Variants in CPT1A observed in about 807,000 individuals in gnomAD.
CPT1A encodes the protein carnitine O-palmitoyltransferase 1, liver isoform.
In CPT1A, 64 loss-of-function variants were observed where a neutral mutation model predicts 100.8. The ratio of observed to expected loss-of-function variants is 0.63; its 90% confidence interval spans 0.52 to 0.78. The LOEUF (loss-of-function observed/expected upper bound fraction) is 0.78, where lower values mean the gene tolerates loss of function less well. CPT1A is among the 30% of genes least tolerant of loss of function. CPT1A has a pLI of 0.00. For synonymous variants in CPT1A, 363 were observed against 396.0 expected, an observed-to-expected ratio of 0.92 and a Z score of 0.99; for missense variants, 802 against 1,034.1, an observed-to-expected ratio of 0.78 and a Z score of 3.08.
intron 5 of CPT1A, among the ~76,000 whole-genome samples, chr11:68,801,049 C>A (rs1336445120): frequency 1.3e-5 from 2 of 152,070 alleles, no homozygotes; most frequent in Admixed American, 1.3e-4. Flanking sequence ...TTCAAGGTTG[C>A]AGTGAGCTAG....
chr11:68,815,439 G>C lies in CPT1A; in HGVS notation c.36C>G (p.Phe12Leu). The C allele has an allele frequency of 6.2e-7, 1 of 1,614,142 alleles. No homozygotes were observed. The highest frequency in any genetic ancestry group is 8.5e-7 in the Non-Finnish European group (1 of 1,180,014). The stretch of plus-strand genomic sequence containing the variant: ...GGTCAATCCCGTCCGGAGTGACCGT[G>C]AACTGAAAGGCCACAGCTTGGTGAG... ...AEAHQAVAFQ[F>L]TVTPDGIDLR... The change falls in exon 2 of 19, where the codon TTC (phenylalanine) becomes TTG (leucine). Residue 12 changes from phenylalanine to leucine, a missense_variant. Phe to Leu is a conservative substitution (Grantham distance 22). This residue lies in a region of CPT1A where 11 missense variants were observed against 31.4 expected (regional missense o/e 0.35). Transcript: ENST00000265641.
At chr11:68,805,821 C>T (rs566212635) in intron 4 of CPT1A, among the ~76,000 whole-genome samples, 2 of 152,270 alleles carry the variant, frequency 1.3e-5, no homozygotes, top group African/African-American at 4.8e-5. Context: ...CATCTGGCCC[C>T]AGAAACCCAG....
At chr11:68,830,799 C>T (rs191388423) in intron 1 of CPT1A, among the ~76,000 whole-genome samples, 15 of 152,314 alleles carry the variant, frequency 9.8e-5, no homozygotes, top group African/African-American at 3.4e-4. Flanking sequence ...GGGCAGCCCA[C>T]GAATCCAAAC....
chr11:68,793,063 A>G (rs1309112096), intron 9 of CPT1A, among the ~76,000 whole-genome samples: 1 of 152,066 alleles, frequency 6.6e-6, no homozygotes, highest in Non-Finnish European at 1.5e-5. Context: ...AAATAAATAA[A>G]TAAATAAATC....
chr11:68,769,416 T>C (rs971455685), intron 14 of CPT1A, among the ~76,000 whole-genome samples: 4 of 150,096 alleles, frequency 2.7e-5, no homozygotes, highest in Non-Finnish European at 5.9e-5. Flanking sequence ...TTTTTTTTTT[T>C]TTTTTTGTAT....
At chr11:68,774,990 G>C (rs1855105187) in intron 13 of CPT1A, among the ~76,000 whole-genome samples, 1 of 152,094 alleles carries the variant, frequency 6.6e-6, no homozygotes, top group Non-Finnish European at 1.5e-5. Flanking sequence ...GAGGCTTTCA[G>C]CTCTAACCTA....
At chr11:68,840,113 G>C (rs541113377) in intron 1 of CPT1A, among the ~76,000 whole-genome samples, 1 of 152,312 alleles carries the variant, frequency 6.6e-6, no homozygotes, top group South Asian at 2.1e-4. Context: ...CAGTCCACAG[G>C]CTCTTGGTAT....
chr11:68,776,226 T>C (rs1477254221), intron 12 of CPT1A, among the ~76,000 whole-genome samples: 1 of 152,062 alleles, frequency 6.6e-6, no homozygotes, highest in Non-Finnish European at 1.5e-5. Flanking sequence ...AGTGAGATCT[T>C]ATCTCTACAA....
At chr11:68,802,149 G>A (rs1366032213) in intron 5 of CPT1A, among the ~76,000 whole-genome samples, 1 of 152,040 alleles carries the variant, frequency 6.6e-6, no homozygotes, top group Admixed American at 6.6e-5. Flanking sequence ...ACTGCTTAGT[G>A]GCTATGAGCT....
intron 5 of CPT1A, among the ~76,000 whole-genome samples, chr11:68,800,540 C>A (rs988093319): frequency 1.3e-5 from 2 of 151,760 alleles, no homozygotes; most frequent in African/African-American, 4.8e-5. Flanking sequence ...GTGGCATGTG[C>A]CTGTGATCCC....
chr11:68,764,961 A>G (rs575664563), intron 14 of CPT1A, among the ~76,000 whole-genome samples: 2 of 152,220 alleles, frequency 1.3e-5, no homozygotes, highest in African/African-American at 4.8e-5. Context: ...CAACCCACAG[A>G]TGCCACCAAC....
Position 68,760,242 on chromosome 11 carries a change from C to T in CPT1A, c.2125G>A (p.Gly709Arg), listed in dbSNP as rs769194681. Residue 709 changes from glycine (G) to arginine (R), a missense_variant, in exon 17 of 19, where the codon GGA becomes AGA. This residue lies in a region of CPT1A where 627 missense variants were observed against 799.3 expected (regional missense o/e 0.78). Coordinates refer to ENST00000265641, the MANE Select transcript of CPT1A (RefSeq NM_001876.4). ...GCACTCACCGGTCCAAAGCCCCCTC[C>T]GCTGGACACGTACTCTGGGTTATTC... ...LENNPEYVSSGGGFGPVADDG... is the reference protein window; with the variant it reads ...LENNPEYVSSRGGFGPVADDG... 1.1e-5 allele frequency: 17 copies of T among 1,610,442 alleles called. No homozygotes were observed. Among genetic ancestry groups the T allele is most frequent in the South Asian group, 2.2e-5 (2 of 90,428 alleles).
In CPT1A at chr11:68,755,617, GC is replaced by G. The variant is rs1946676534; in HGVS notation, c.*2026del. The G allele has an allele frequency of 6.6e-6, 1 of 150,666 alleles. No individual in the cohort carries two copies. Among genetic ancestry groups the G allele is most frequent in the African/African-American group, 2.4e-5 (1 of 41,062 alleles). The allele number at this position is 150,666 out of a possible 1,614,324, so 9.3% of individuals were successfully genotyped here. A position where few individuals can be genotyped will look rare whatever the true frequency, so the allele number is the denominator to read the frequency against. The stretch of plus-strand genomic sequence containing the variant: ...GTAGAGACGGGGTTTCACCGTGTTA[GC>G]CAGGATGGTCTCCATCTCCTGACCT... On this transcript the variant is annotated 3_prime_UTR_variant, in exon 19 of 19. Coordinates refer to ENST00000265641, the MANE Select transcript of CPT1A (RefSeq NM_001876.4).
intron 4 of CPT1A, among the ~76,000 whole-genome samples, chr11:68,805,216 C>T (rs559195039): frequency 1.3e-5 from 2 of 152,116 alleles, no homozygotes; most frequent in East Asian, 1.9e-4. Context: ...TTTGGGAGGC[C>T]GAGGAGGGTG....
At chr11:68,798,411 C>G (rs538632666) in intron 6 of CPT1A, among the ~76,000 whole-genome samples, 1 of 152,216 alleles carries the variant, frequency 6.6e-6, no homozygotes, top group Non-Finnish European at 1.5e-5. Flanking sequence ...CCACGTCTAG[C>G]GCCACCTGCT....
rs541776351 is a variant in CPT1A, at chr11:68,784,717, G to A, written c.1163+98C>T. 3.9e-5 allele frequency: 47 copies of A among 1,216,802 alleles called. No homozygotes were observed. The South Asian group carries it at 4.9e-4, about 13-fold the overall frequency. 75.4% of individuals were successfully genotyped at this position (1,216,802 alleles called of 1,614,324 possible). Reference sequence around the variant, plus strand: ...AAACAGAGCCGAGGTGGGGAGTCCCGTGCCAGGATTCCCACAGGCCCTGGT... The same window carrying A: ...AAACAGAGCCGAGGTGGGGAGTCCCATGCCAGGATTCCCACAGGCCCTGGT... On this transcript the variant is annotated intron_variant, in intron 10 of 18. Transcript: ENST00000265641.
At chr11:68,825,565 A>ACAGT (rs1856703192) in intron 1 of CPT1A, among the ~76,000 whole-genome samples, 1 of 152,168 alleles carries the variant, frequency 6.6e-6, no homozygotes, top group Non-Finnish European at 1.5e-5. Flanking sequence ...AAATACCTGA[A>ACAGT]CAGTCACCAC....
At chr11:68,761,473 T>C (rs1854613721) in intron 16 of CPT1A, 62 bp downstream of exon 16, 4 of 1,551,974 alleles carry the variant, frequency 2.6e-6, no homozygotes, top group Non-Finnish European at 2.7e-6. Flanking sequence ...TGCAAGGCTG[T>C]AGTAATTTAC....
chr11:68,794,947 G>A, intron 7 of CPT1A, 36 bp from the exon 8 acceptor site: 1 of 1,509,424 alleles, frequency 6.6e-7, no homozygotes, highest in African/African-American at 1.4e-5. Context: ...ATTTGCATAG[G>A]GAAAGATAAG....
Sources: allele counts gnomAD v4.1 joint callset (sites outside exome capture counted in the v4.1 genomes callset), GRCh38; gene constraint gnomAD v4.1.1; regional missense constraint gnomAD v4.1.1; transcripts MANE v1.5; gene names NCBI Gene and HGNC (gene_info 2026-07-23, HGNC 2026-07-21).